The following DNAI7 variants were observed in gnomAD, a reference collection of about 807,000 sequenced individuals.
The protein encoded by DNAI7 is cancer susceptibility 1.
In DNAI7, 78 loss-of-function variants were observed where a neutral mutation model predicts 86.6. That is an observed-to-expected ratio of 0.90 (90% CI 0.75 to 1.09). The LOEUF is 1.09. DNAI7 is among the 50% of genes least tolerant of loss of function. The probability of loss-of-function intolerance (pLI) is 0.00; values close to 1 mark genes in which losing one functional copy is unlikely to be tolerated. For synonymous variants in DNAI7, 274 were observed against 273.0 expected, an observed-to-expected ratio of 1.00 and a Z score of -0.04; for missense variants, 753 against 810.2, an observed-to-expected ratio of 0.93 and a Z score of 0.86.
chr12:25,184,010 A>T (rs1210019730), intron 2 of DNAI7, among the ~76,000 whole-genome samples: 1 of 152,090 alleles, frequency 6.6e-6, no homozygotes, highest in Non-Finnish European at 1.5e-5. Context: ...CTATATCCAG[A>T]CCTGTATCCT....
At chr12:25,150,180 GA>G (rs1945326650) in intron 6 of DNAI7, among the ~76,000 whole-genome samples, 1 of 152,196 alleles carries the variant, frequency 6.6e-6, no homozygotes, top group East Asian at 1.9e-4. Flanking sequence ...ATGATTAGGT[GA>G]AAAGCTGTTG....
intron 13 of DNAI7, among the ~76,000 whole-genome samples, chr12:25,112,608 G>T (rs914374296): frequency 2.0e-5 from 3 of 151,606 alleles, no homozygotes; most frequent in Admixed American, 6.6e-5. Context: ...GGGTTTCACC[G>T]TGTTAGCCAG....
chr12:25,114,569 C>A, intron 13 of DNAI7, 87 bp downstream of exon 13: 1 of 772,386 alleles, frequency 1.3e-6, no homozygotes, highest in Non-Finnish European at 2.2e-6. Context: ...AAATCAGCAG[C>A]CACTGATTGC....
rs5797119 is a variant in DNAI7, at chr12:25,134,352, C to CTTTTTTTT, written c.1002+10005_1002+10012dup. Among the ~76,000 whole-genome samples, 15 of 91,158 alleles carry CTTTTTTTT rather than the reference C, an allele frequency of 1.6e-4. 1 individual carries two copies. The highest frequency in any genetic ancestry group is 2.4e-4 in the Non-Finnish European group (12 of 49,912). 59.8% of individuals were successfully genotyped at this position (91,158 alleles called of 152,430 possible). ...CATTATAATGGTTTTCCTTGGCGTA[C>CTTTTTTTT]TTTTTTTTTTTTTTTTTTTTTTGAG... is the stretch of plus-strand genomic sequence containing the variant. On this transcript the variant is annotated intron_variant, in intron 9 of 15. Coordinates refer to ENST00000395987, the MANE Select transcript of DNAI7 (RefSeq NM_018272.5).
Position 25,154,355 on chromosome 12 carries a change from A to T in DNAI7, c.402T>A (p.Phe134Leu). The change falls in exon 6 of 16, where the codon TTT becomes TTA. Residue 134 changes from phenylalanine (F) to leucine (L), a missense_variant. Coordinates refer to ENST00000395987, the MANE Select transcript of DNAI7 (RefSeq NM_018272.5). ...CTTTACTCTTCTCAATCACTTCCTCAAAAGTCTCATTTGTTTTCTCTTTCC... is the reference window on the plus strand; with the variant it reads ...CTTTACTCTTCTCAATCACTTCCTCTAAAGTCTCATTTGTTTTCTCTTTCC... ...SLWKEKTNET[F>L]EEVIEKSKVV... The T allele has an allele frequency of 6.2e-7, 1 of 1,610,950 alleles. No individual in the cohort carries two copies. The highest frequency in any genetic ancestry group is 8.5e-7 in the Non-Finnish European group (1 of 1,179,324).
At chr12:25,151,148 A>C (rs2140930755) in intron 6 of DNAI7, among the ~76,000 whole-genome samples, 1 of 152,294 alleles carries the variant, frequency 6.6e-6, no homozygotes, top group South Asian at 2.1e-4. Context: ...CTCAAACAAG[A>C]ATGCAGGGCT....
chr12:25,177,821 T>G lies in DNAI7; in HGVS notation c.21+12793A>C, dbSNP rs116510801. Among the ~76,000 whole-genome samples the G allele has an allele frequency of 1.7e-3, 256 of 152,344 alleles. 1 individual carries two copies. Among genetic ancestry groups the G allele is most frequent in the African/African-American group, 5.9e-3 (247 of 41,596 alleles). Reference sequence around the variant, plus strand: ...TCAATATTTGCTAATTTCAGCACTTTTGCTCATCTAAAAGGTGTTAAAAAA... The same window carrying G: ...TCAATATTTGCTAATTTCAGCACTTGTGCTCATCTAAAAGGTGTTAAAAAA... On this transcript the variant is annotated intron_variant, in intron 2 of 15. Transcript: ENST00000395987.
intron 7 of DNAI7, among the ~76,000 whole-genome samples, chr12:25,147,548 G>A (rs1303057739): frequency 6.6e-6 from 1 of 152,036 alleles, no homozygotes; most frequent in Non-Finnish European, 1.5e-5. Context: ...CCTGGCAGCT[G>A]GGAGGATCCT....
At chr12:25,157,849 T>TG (rs1036040132) in intron 4 of DNAI7, among the ~76,000 whole-genome samples, 50 of 147,130 alleles carry the variant, frequency 3.4e-4, no homozygotes, top group Non-Finnish European at 6.4e-4. Flanking sequence ...TTTTTTTTTT[T>TG]TTTGTTCCTG....
intron 2 of DNAI7, among the ~76,000 whole-genome samples, chr12:25,168,209 CA>C (rs1245869046): frequency 1.3e-5 from 2 of 152,182 alleles, no homozygotes; most frequent in African/African-American, 4.8e-5. Flanking sequence ...TTGCCTCGCA[CA>C]AGGTCTCTTC....
intron 2 of DNAI7, among the ~76,000 whole-genome samples, chr12:25,174,375 TATC>T (rs369947994): frequency 0.043 from 14 of 324 alleles, 6 homozygotes; most frequent in East Asian, 1. Context: ...ATATATGTTA[TATC>T]ATATATATGG....
At chr12:25,139,872 G>A (rs2140777318) in intron 9 of DNAI7, among the ~76,000 whole-genome samples, 1 of 152,206 alleles carries the variant, frequency 6.6e-6, no homozygotes, top group African/African-American at 2.4e-5. Context: ...TTTTAAAAAA[G>A]ATAATTCACC....
chr12:25,194,071 C>CA (rs1471966762), intron 1 of DNAI7, among the ~76,000 whole-genome samples: 2 of 152,072 alleles, frequency 1.3e-5, no homozygotes, highest in East Asian at 1.9e-4. Context: ...CTGCCCGCCT[C>CA]GGCCTCCCAA....
At chr12:25,138,385 C>T (rs935755156) in intron 9 of DNAI7, among the ~76,000 whole-genome samples, 7 of 152,160 alleles carry the variant, frequency 4.6e-5, no homozygotes, top group Admixed American at 1.3e-4. Context: ...ATCACTGGAA[C>T]CCAGGAGGCA....
At chr12:25,122,209 C>T (rs577348437) in intron 10 of DNAI7, among the ~76,000 whole-genome samples, 2 of 152,148 alleles carry the variant, frequency 1.3e-5, no homozygotes, top group African/African-American at 4.8e-5. Context: ...TTCATGCCCA[C>T]TACTTTGCGA....
At chr12:25,187,965 C>A (rs1950188363) in intron 2 of DNAI7, among the ~76,000 whole-genome samples, 1 of 152,088 alleles carries the variant, frequency 6.6e-6, no homozygotes, top group African/African-American at 2.4e-5. Context: ...AAAAAAATTC[C>A]TGAGAATTTA....
intron 6 of DNAI7, among the ~76,000 whole-genome samples, chr12:25,150,601 C>CAAAATAA (rs1945416709): frequency 1.1e-5 from 1 of 89,008 alleles, no homozygotes; most frequent in Non-Finnish European, 2.1e-5. Flanking sequence ...GACTCTGTCT[C>CAAAATAA]AAAAAAAAAA....
chr12:25,112,131 G>A (rs1938978120), intron 13 of DNAI7, among the ~76,000 whole-genome samples, 192 bp from the exon 14 acceptor site: 1 of 152,118 alleles, frequency 6.6e-6, no homozygotes. Context: ...GTTATGTTAA[G>A]CAGTTTACTA....
At chr12:25,188,251 G>A (rs1386826482) in intron 2 of DNAI7, among the ~76,000 whole-genome samples, 1 of 152,144 alleles carries the variant, frequency 6.6e-6, no homozygotes, top group African/African-American at 2.4e-5. Context: ...AACAGAAGGT[G>A]CAGAATGCTC....
Sources: gnomAD v4.1 joint callset for allele counts (sites outside exome capture counted in the v4.1 genomes callset) on GRCh38, gnomAD v4.1.1 for gene constraint, MANE v1.5 for transcripts, NCBI Gene and HGNC (gene_info 2026-07-23, HGNC 2026-07-21) for gene names.